The following LNPK variants were observed in gnomAD, a reference collection of about 807,000 sequenced individuals.
LNPK encodes the protein endoplasmic reticulum junction formation protein lunapark.
Under a neutral mutation model 55.2 loss-of-function variants are expected in LNPK, and 29 were observed. The observed-to-expected ratio is 0.53, with a 90% confidence interval of 0.39 to 0.72. The LOEUF is 0.72. Ranked by LOEUF, LNPK falls within the 30% of genes least tolerant of loss-of-function variation. LNPK has a pLI of 0.00. For missense variants in LNPK, 467 were observed against 494.8 expected (o/e 0.94, Z 0.53); for synonymous variants, 162 against 168.2 (o/e 0.96, Z 0.29).
At chr2:175,989,788 A>AT (rs1687608485) in intron 4 of LNPK, among the ~76,000 whole-genome samples, 1 of 152,216 alleles carries the variant, frequency 6.6e-6, no homozygotes, top group Non-Finnish European at 1.5e-5. Context: ...AAGGCCAAAA[A>AT]ACAGTATGTG....
intron 12 of LNPK, chr2:175,935,667 CA>C: frequency 2.5e-6 from 1 of 407,282 alleles, no homozygotes; most frequent in Non-Finnish European, 3.3e-6. Context: ...ATGGAGTTAT[CA>C]AACCCTGCCT....
At position 175,924,105 on chromosome 2, in the gene LNPK, T is replaced by C. The variant is rs1361306263; in HGVS notation, c.*5862A>G. ...TCACAATCATCTCTACCTTGGTTCA[T>C]CTTTACACAAGTACTTGAATTCCCT... On this transcript the variant is annotated 3_prime_UTR_variant, in exon 13 of 13. Coordinates refer to ENST00000272748, the MANE Select transcript of LNPK (RefSeq NM_030650.3). The C allele has an allele frequency of 6.6e-6, 1 of 152,214 alleles. No homozygotes were observed. Among genetic ancestry groups the C allele is most frequent in the Non-Finnish European group, 1.5e-5 (1 of 68,016 alleles). 9.4% of individuals were successfully genotyped at this position (152,214 alleles called of 1,614,324 possible).
At chr2:175,967,936 C>T (rs184883980) in intron 6 of LNPK, among the ~76,000 whole-genome samples, 203 of 152,276 alleles carry the variant, frequency 1.3e-3, no homozygotes, top group Non-Finnish European at 2.6e-4. Context: ...TTAAAGACTT[C>T]TTTTGCTTCC....
At chr2:175,989,894 A>C (rs1687615239) in intron 4 of LNPK, among the ~76,000 whole-genome samples, 1 of 152,204 alleles carries the variant, frequency 6.6e-6, no homozygotes, top group African/African-American at 2.4e-5. Flanking sequence ...ATAAAGAATA[A>C]TTTTGGAATA....
intron 9 of LNPK, among the ~76,000 whole-genome samples, chr2:175,946,270 A>C (rs2105559910): frequency 6.6e-6 from 1 of 152,256 alleles, no homozygotes; most frequent in East Asian, 1.9e-4. Context: ...CGCACCCAAA[A>C]AAGTTCTTTC....
At chr2:176,001,343 A>G (rs1414645198) in intron 1 of LNPK, among the ~76,000 whole-genome samples, 1 of 152,190 alleles carries the variant, frequency 6.6e-6, no homozygotes, top group Non-Finnish European at 1.5e-5. Context: ...CGAGCAACAC[A>G]CACCGGAGGC....
rs375505754 is a variant in LNPK, at chr2:175,962,961, T to C, written c.493+1411A>G. On this transcript the variant is annotated intron_variant, in intron 8 of 12. Transcript: ENST00000272748. Reference sequence around the variant, plus strand: ...CAAAAAACACATGAAAAAATGCTCATCATCACTGGCCATCAGAGAAATGCA... The same window carrying C: ...CAAAAAACACATGAAAAAATGCTCACCATCACTGGCCATCAGAGAAATGCA... Among the ~76,000 whole-genome samples the C allele has an allele frequency of 5.7e-3, 837 of 147,620 alleles. 9 individuals carry two copies. Among genetic ancestry groups the C allele is most frequent in the African/African-American group, 0.02 (784 of 39,464 alleles).
intron 8 of LNPK, among the ~76,000 whole-genome samples, chr2:175,959,620 A>C (rs1241742508): frequency 1.3e-5 from 2 of 152,228 alleles, no homozygotes; most frequent in Non-Finnish European, 2.9e-5. Context: ...CCAAATTGTA[A>C]AGACTATTGA....
chr2:175,992,100 T>C (rs1687729159), intron 4 of LNPK, 131 bp downstream of exon 4: 5 of 587,026 alleles, frequency 8.5e-6, no homozygotes, highest in African/African-American at 7.9e-5. Context: ...TCTTTTCAAA[T>C]TGTGAAAGAA....
At chr2:175,994,938 G>A (rs1336569596) in intron 2 of LNPK, among the ~76,000 whole-genome samples, 10 of 23,824 alleles carry the variant, frequency 4.2e-4, no homozygotes, top group Admixed American at 2.4e-3. Flanking sequence ...TTTTTTTTTT[G>A]TGAGACTGAG....
intron 9 of LNPK, among the ~76,000 whole-genome samples, chr2:175,942,177 A>G (rs1193956886): frequency 2.0e-5 from 3 of 152,192 alleles, no homozygotes; most frequent in Non-Finnish European, 2.9e-5. Context: ...GGGTAAATAT[A>G]TAAGACTTTT....
chr2:175,938,963 T>C (rs1362942799), intron 10 of LNPK, among the ~76,000 whole-genome samples: 1 of 152,148 alleles, frequency 6.6e-6, no homozygotes, highest in Non-Finnish European at 1.5e-5. Context: ...ATATCAAATG[T>C]CATTCTATTT....
intron 4 of LNPK, among the ~76,000 whole-genome samples, chr2:175,990,717 C>G (rs891436780): frequency 5.9e-5 from 9 of 152,048 alleles, no homozygotes; most frequent in African/African-American, 2.2e-4. Context: ...AAGGACAATG[C>G]TATTCTTTGT....
chr2:175,972,873 C>T (rs1464263060), intron 5 of LNPK, among the ~76,000 whole-genome samples: 1 of 152,174 alleles, frequency 6.6e-6, no homozygotes, highest in Admixed American at 6.5e-5. Context: ...CAATCAAAGA[C>T]TGAAGCTCTT....
At chr2:176,002,269 A>G (rs1440959836), upstream of LNPK, 4 of 448,396 alleles carry the variant, frequency 8.9e-6, no homozygotes, top group Non-Finnish European at 1.8e-5. Context: ...CAGAGAGACA[A>G]GCCGGGCCAA....
chr2:175,999,548 T>C (rs1432600591), intron 1 of LNPK, among the ~76,000 whole-genome samples: 1 of 152,202 alleles, frequency 6.6e-6, no homozygotes, highest in African/African-American at 2.4e-5. Flanking sequence ...CTCCTTTCTT[T>C]CAAATACATG....
intron 8 of LNPK, among the ~76,000 whole-genome samples, chr2:175,955,419 T>C (rs1381826499): frequency 7.9e-5 from 12 of 152,208 alleles, no homozygotes; most frequent in Admixed American, 7.8e-4. Flanking sequence ...AAAGTAGCTC[T>C]AACTGATGTG....
At chr2:175,962,045 A>G (rs1686059432) in intron 8 of LNPK, among the ~76,000 whole-genome samples, 1 of 152,210 alleles carries the variant, frequency 6.6e-6, no homozygotes, top group East Asian at 1.9e-4. Context: ...TACTCAACGA[A>G]ATAAAAGAGG....
At position 175,924,875 on chromosome 2, in the gene LNPK, G is replaced by A. The variant is rs1683940110; in HGVS notation, c.*5092C>T. On this transcript the variant is annotated 3_prime_UTR_variant, in exon 13 of 13. Coordinates refer to ENST00000272748, the MANE Select transcript of LNPK (RefSeq NM_030650.3). ...AAGAGAGAGGAAGCAAAGAAGAAAG[G>A]GAGGGAGGATACCAGGCTCTTTTAA... 1.3e-5 allele frequency: 2 copies of A among 152,276 alleles called. No homozygotes were observed. The highest frequency in any genetic ancestry group is 1.9e-4 in the East Asian group (1 of 5,180). The allele number at this position is 152,276 out of a possible 1,614,324, so 9.4% of individuals were successfully genotyped here.
Sources: allele counts gnomAD v4.1 joint callset (sites outside exome capture counted in the v4.1 genomes callset), GRCh38; gene constraint gnomAD v4.1.1; transcripts MANE v1.5; gene names NCBI Gene and HGNC (gene_info 2026-07-23, HGNC 2026-07-21).